ITGA9: variants seen among roughly 807,000 people sequenced by gnomAD.
ITGA9 encodes the protein integrin alpha-9.
In ITGA9, 56 loss-of-function variants were observed where a neutral mutation model predicts 127.8. That is an observed-to-expected ratio of 0.44 (90% confidence interval 0.35 to 0.55). ITGA9 has a LOEUF of 0.55. ITGA9 is among the 20% of genes least tolerant of loss of function. The pLI, the probability that ITGA9 is intolerant of heterozygous loss-of-function variation, is 0.00. For synonymous variants in ITGA9, 508 were observed against 514.5 expected, an observed-to-expected ratio of 0.99 and a Z score of 0.17; for missense variants, 1,196 against 1,347.1, an observed-to-expected ratio of 0.89 and a Z score of 1.76.
At chr3:37,699,590 T>C (rs1700924445) in intron 18 of ITGA9, among the ~76,000 whole-genome samples, 1 of 152,218 alleles carries the variant, frequency 6.6e-6, no homozygotes, top group South Asian at 2.1e-4. Flanking sequence ...TTTCCGTGCT[T>C]CCACCTTTAC....
In ITGA9 at chr3:37,714,161, C is replaced by A. The variant is rs139042310; in HGVS notation, c.2068-18551C>A. 2.3e-3 allele frequency among the ~76,000 whole-genome samples: 354 copies of A among 152,300 alleles called. 2 individuals are homozygous for A. Among genetic ancestry groups the A allele is most frequent in the African/African-American group, 8.1e-3 (337 of 41,562 alleles). ...TAGTTACATGGATATTGCCAAGTAGCCTGAGTTCTCAGAGGCTTGATATCC... is the reference window on the plus strand; with the variant it reads ...TAGTTACATGGATATTGCCAAGTAGACTGAGTTCTCAGAGGCTTGATATCC... On this transcript the variant is annotated intron_variant, in intron 18 of 27. Transcript: ENST00000264741.
chr3:37,481,582 C>G lies in ITGA9; in HGVS notation c.519C>G (p.Gly173=). Residue 173 remains glycine, a synonymous_variant, in exon 4 of 28, where the codon GGC becomes GGG. Transcript: ENST00000264741. ...TCCCCTCCAACCTCCAGGCCAAAGG[C>G]AGGACGCTGATCCCTTGCTATGAAG... ...YIIPSNLQAK[G]RTLIPCYEEY... 6.2e-7 allele frequency: 1 copy of G among 1,614,208 alleles called. No individual in the cohort carries two copies. The highest frequency in any genetic ancestry group is 8.5e-7 in the Non-Finnish European group (1 of 1,180,030).
intron 8 of ITGA9, among the ~76,000 whole-genome samples, chr3:37,509,465 G>A (rs114693383): frequency 0.024 from 3,659 of 152,090 alleles, 83 homozygotes; most frequent in Non-Finnish European, 0.035. Flanking sequence ...AGTGGGATCT[G>A]GGAAGAAGCA....
At chr3:37,591,922 A>AG (rs1459255386) in intron 15 of ITGA9, among the ~76,000 whole-genome samples, 3 of 152,184 alleles carry the variant, frequency 2.0e-5, no homozygotes, top group African/African-American at 7.2e-5. Context: ...CTAGGTTATG[A>AG]GGGCCTGGAC....
At chr3:37,515,795 G>A (rs1270854843) in intron 9 of ITGA9, among the ~76,000 whole-genome samples, 1 of 152,158 alleles carries the variant, frequency 6.6e-6, no homozygotes, top group East Asian at 1.9e-4. Flanking sequence ...AGGCTGAGGC[G>A]AGAGGATCCC....
At chr3:37,607,913 T>C (rs928328663) in intron 15 of ITGA9, among the ~76,000 whole-genome samples, 6 of 152,334 alleles carry the variant, frequency 3.9e-5, no homozygotes, top group Non-Finnish European at 7.3e-5. Flanking sequence ...GGAACCATTT[T>C]TAATTTGGGG....
intron 27 of ITGA9, 152 bp downstream of exon 27, chr3:37,804,094 C>A: frequency 8.5e-7 from 1 of 1,171,572 alleles, no homozygotes; most frequent in Non-Finnish European, 1.2e-6. Flanking sequence ...GGAGTGGAAT[C>A]TTGGCTCCCC....
chr3:37,788,385 A>G (rs922172113), intron 26 of ITGA9, among the ~76,000 whole-genome samples: 3 of 152,114 alleles, frequency 2.0e-5, no homozygotes, highest in Non-Finnish European at 4.4e-5. Flanking sequence ...CTTAGGTCAT[A>G]TATTCTCACC....
chr3:37,794,100 G>A (rs550360332), intron 26 of ITGA9, among the ~76,000 whole-genome samples: 4 of 152,298 alleles, frequency 2.6e-5, no homozygotes, highest in Non-Finnish European at 5.9e-5. Flanking sequence ...AGGTGTGCTC[G>A]AATCTGCTGA....
At chr3:37,642,489 A>G (rs937535250) in intron 16 of ITGA9, among the ~76,000 whole-genome samples, 4 of 152,242 alleles carry the variant, frequency 2.6e-5, no homozygotes, top group Non-Finnish European at 4.4e-5. Flanking sequence ...AAAATTGGGC[A>G]TCATATCAGA....
At chr3:37,544,074 G>C (rs970738889) in intron 15 of ITGA9, among the ~76,000 whole-genome samples, 1 of 152,256 alleles carries the variant, frequency 6.6e-6, no homozygotes, top group Non-Finnish European at 1.5e-5. Flanking sequence ...ACCTGCTGGG[G>C]ACAGGGCATC....
chr3:37,461,915 A>G (rs891411019), intron 1 of ITGA9, among the ~76,000 whole-genome samples: 1 of 152,208 alleles, frequency 6.6e-6, no homozygotes, highest in African/African-American at 2.4e-5. Context: ...CAGGCTCCAG[A>G]TAAGTCTGGG....
At chr3:37,621,144 TA>T (rs1700124468) in intron 15 of ITGA9, among the ~76,000 whole-genome samples, 1 of 151,570 alleles carries the variant, frequency 6.6e-6, no homozygotes, top group South Asian at 2.1e-4. Flanking sequence ...GATGCTTTTA[TA>T]AGGGGAAACT....
chr3:37,647,114 T>C (rs1180577219), intron 16 of ITGA9, among the ~76,000 whole-genome samples: 1 of 152,074 alleles, frequency 6.6e-6, no homozygotes, highest in Non-Finnish European at 1.5e-5. Context: ...GATTCCATGG[T>C]GTATTGTTTT....
intron 15 of ITGA9, among the ~76,000 whole-genome samples, chr3:37,620,903 T>C (rs917305394): frequency 2.6e-5 from 4 of 152,206 alleles, no homozygotes; most frequent in Non-Finnish European, 4.4e-5. Context: ...CCTATTTTTC[T>C]CTTCTCAGCT....
rs529676029 is a variant in ITGA9 at position 37,754,465 on chromosome 3, G to A, written c.2541+3896G>A. ...GATTTTTGAAAGAACTCTAGTGTTA[G>A]TCCAGAAGAGATATAAAATAAATAT... On this transcript the variant is annotated intron_variant, in intron 23 of 27. Transcript: ENST00000264741. Among the ~76,000 whole-genome samples the A allele has an allele frequency of 1.2e-4, 18 of 152,280 alleles. No individual in the cohort carries two copies. The South Asian group carries it at 3.7e-3, about 32-fold the overall frequency.
intron 5 of ITGA9, among the ~76,000 whole-genome samples, chr3:37,496,592 C>G (rs1698732789): frequency 6.6e-6 from 1 of 152,194 alleles, no homozygotes; most frequent in African/African-American, 2.4e-5. Flanking sequence ...CAGACTGGTC[C>G]CCATGTAGCA....
chr3:37,764,655 G>T (rs1055789044), intron 23 of ITGA9, among the ~76,000 whole-genome samples: 4 of 151,926 alleles, frequency 2.6e-5, no homozygotes, highest in Non-Finnish European at 5.9e-5. Flanking sequence ...ACTTCCCTGG[G>T]CCCCCTGCCC....
intron 18 of ITGA9, 23 bp from the exon 19 acceptor site, chr3:37,732,689 T>A (rs1391982940): frequency 1.3e-6 from 2 of 1,586,244 alleles, no homozygotes; most frequent in South Asian, 2.3e-5. Context: ...AGCCGGCCCA[T>A]CTGTTGGTGC....
Sources: allele counts gnomAD v4.1 joint callset (sites outside exome capture counted in the v4.1 genomes callset), GRCh38; gene constraint gnomAD v4.1.1; transcripts MANE v1.5; gene names NCBI Gene and HGNC (gene_info 2026-07-23, HGNC 2026-07-21).